The following CLVS1 variants were observed in gnomAD, a reference collection of about 807,000 sequenced individuals.
CLVS1 encodes clavesin-1.
In CLVS1, 10 loss-of-function variants were observed where a neutral mutation model predicts 33.1. The observed-to-expected ratio is 0.30, with a 90% CI of 0.19 to 0.51. The LOEUF is 0.51. Ranked by LOEUF, CLVS1 falls within the 20% of genes least tolerant of loss-of-function variation. The probability of loss-of-function intolerance (pLI) is 0.97; values close to 1 mark genes in which losing one functional copy is unlikely to be tolerated. For missense variants in CLVS1, 343 were observed against 433.4 expected (o/e 0.79, Z 1.85); for synonymous variants, 163 against 166.1 (o/e 0.98, Z 0.14).
At chr8:61,258,696 T>A (rs746616120) in intron 2 of CLVS1, among the ~76,000 whole-genome samples, 1 of 152,198 alleles carries the variant, frequency 6.6e-6, no homozygotes, top group Non-Finnish European at 1.5e-5. Context: ...CCTTTGTGAG[T>A]GAATTCAAAA....
At chr8:61,479,527 T>C (rs1313873799) in intron 5 of CLVS1, among the ~76,000 whole-genome samples, 1 of 152,202 alleles carries the variant, frequency 6.6e-6, no homozygotes, top group Non-Finnish European at 1.5e-5. Flanking sequence ...CCATTGGTTC[T>C]AACTTCCTCC....
At chr8:61,003,128 G>T in the CLVS1 span, among the ~76,000 whole-genome samples, 1 of 152,170 alleles carries the variant, frequency 6.6e-6, no homozygotes, top group Non-Finnish European at 1.5e-5. Context: ...CTTCTAGAGG[G>T]ACTTGCTCTG....
chr8:61,195,783 T>C (rs1194575928), intron 2 of CLVS1, among the ~76,000 whole-genome samples: 3 of 152,058 alleles, frequency 2.0e-5, no homozygotes, highest in Non-Finnish European at 4.4e-5. Context: ...AGTTAATGAC[T>C]GGGAAAGGTA....
rs1804502954 is a variant in CLVS1 at position 61,499,822 on chromosome 8, T to TAA, written c.*282_*283dup. ...CTCCCTCCTTTCATATTTATTGTAG[T>TAA]AAATTGAAAAAATAAAGACTAAATT... On this transcript the variant is annotated 3_prime_UTR_variant, in exon 6 of 6. Coordinates refer to ENST00000325897, the MANE Select transcript of CLVS1 (RefSeq NM_173519.3). The TAA allele has an allele frequency of 1.2e-5, 3 of 249,544 alleles. No homozygotes were observed. The highest frequency in any genetic ancestry group is 1.6e-5 in the Non-Finnish European group (2 of 127,778). The allele number at this position is 249,544 out of a possible 1,614,324, so 15.5% of individuals were successfully genotyped here. A position where few individuals can be genotyped will look rare whatever the true frequency, so the allele number is the denominator to read the frequency against.
intron 5 of CLVS1, among the ~76,000 whole-genome samples, chr8:61,472,186 A>G (rs1219008185): frequency 1.3e-5 from 2 of 152,226 alleles, no homozygotes; most frequent in East Asian, 3.8e-4. Context: ...CCACAATTCT[A>G]TAATTATGTA....
the CLVS1 span, among the ~76,000 whole-genome samples, chr8:61,035,444 A>C: frequency 3.9e-5 from 6 of 152,034 alleles, no homozygotes; most frequent in Non-Finnish European, 7.4e-5. Flanking sequence ...AGGCCGAGAG[A>C]GATTGCCAGC....
chr8:61,331,814 CTCCTCCTCT>C (rs1293896725), intron 2 of CLVS1, among the ~76,000 whole-genome samples: 6 of 149,724 alleles, frequency 4.0e-5, no homozygotes, highest in African/African-American at 7.5e-5. Flanking sequence ...TCTCCTCCTC[CTCCTCCTCT>C]TCCTCCTCCT....
chr8:61,132,814 C>A (rs1467998414), intron 2 of CLVS1, among the ~76,000 whole-genome samples: 1 of 152,174 alleles, frequency 6.6e-6, no homozygotes, highest in Non-Finnish European at 1.5e-5. Flanking sequence ...GTAAGTAAAG[C>A]AACACTACAG....
At chr8:61,052,985 T>C (rs1804411630), upstream of CLVS1, among the ~76,000 whole-genome samples, 3 of 152,168 alleles carry the variant, frequency 2.0e-5, no homozygotes, top group South Asian at 6.2e-4. Context: ...ACTCTAGATG[T>C]AAACGTGGAT....
chr8:61,225,231 T>A (rs1001581141), intron 2 of CLVS1, among the ~76,000 whole-genome samples: 11 of 152,054 alleles, frequency 7.2e-5, no homozygotes, highest in African/African-American at 2.7e-4. Flanking sequence ...GGCAGGAGAA[T>A]CACTTGAACC....
At chr8:60,998,340 C>T in the CLVS1 span, among the ~76,000 whole-genome samples, 1 of 152,182 alleles carries the variant, frequency 6.6e-6, no homozygotes, top group Non-Finnish European at 1.5e-5. Flanking sequence ...CCCCCTCAGC[C>T]TTATTCAGTG....
At chr8:61,365,514 T>A (rs372604781) in intron 2 of CLVS1, among the ~76,000 whole-genome samples, 2 of 138,596 alleles carry the variant, frequency 1.4e-5, no homozygotes, top group Non-Finnish European at 3.1e-5. Context: ...GTGACAAGAG[T>A]GAAACACCAT....
chr8:61,032,909 C>A, the CLVS1 span, among the ~76,000 whole-genome samples: 1 of 147,972 alleles, frequency 6.8e-6, no homozygotes, highest in African/African-American at 2.5e-5. Context: ...GAGTTTGAGA[C>A]CAGGAGTTTG....
intron 3 of CLVS1, among the ~76,000 whole-genome samples, chr8:61,446,626 T>C (rs1276511245): frequency 6.6e-6 from 1 of 152,146 alleles, no homozygotes; most frequent in Non-Finnish European, 1.5e-5. Context: ...CATTAATCCA[T>C]TGGTCTACAA....
the CLVS1 span, among the ~76,000 whole-genome samples, chr8:61,002,034 A>T: frequency 6.6e-6 from 1 of 152,018 alleles, no homozygotes; most frequent in South Asian, 2.1e-4. Flanking sequence ...GCTGGAGTGC[A>T]GTGGTGCAAT....
At position 61,173,525 on chromosome 8, in the gene CLVS1, A is replaced by G. The variant is rs144969797; in HGVS notation, c.-152+41665A>G. Among the ~76,000 whole-genome samples the G allele has an allele frequency of 2.9e-3, 439 of 152,240 alleles. 4 individuals carry two copies. Among genetic ancestry groups the G allele is most frequent in the Admixed American group, 7.5e-3 (115 of 15,284 alleles). ...CTTAGCACCGCTTTTGCTGTATCCC[A>G]GTGGTATTGATTGGTTCTGTCACTG... On this transcript the variant is annotated intron_variant, in intron 2 of 2. Transcript: ENST00000522621.
intron 3 of CLVS1, among the ~76,000 whole-genome samples, chr8:61,381,896 A>C (rs1813894574): frequency 6.6e-6 from 1 of 152,158 alleles, no homozygotes; most frequent in Non-Finnish European, 1.5e-5. Context: ...GCTGTGATGA[A>C]CATATGCATG....
chr8:61,032,992 GGAAAGAAAGAAAGAAA>G, the CLVS1 span, among the ~76,000 whole-genome samples: 240 of 44,804 alleles, frequency 5.4e-3, 4 homozygotes, highest in African/African-American at 0.017. Flanking sequence ...AAGGAAGGAA[GGAAAGAAAGAAAGAAA>G]GAAAGAAAGA....
chr8:61,064,165 G>A (rs2129278609), intron 1 of CLVS1, among the ~76,000 whole-genome samples: 1 of 152,170 alleles, frequency 6.6e-6, no homozygotes, highest in Middle Eastern at 3.4e-3. Flanking sequence ...TTGATTACTG[G>A]GACCAATGCT....
Sources: allele counts gnomAD v4.1 joint callset (sites outside exome capture counted in the v4.1 genomes callset), GRCh38; gene constraint gnomAD v4.1.1; transcripts MANE v1.5; gene names NCBI Gene and HGNC (gene_info 2026-07-23, HGNC 2026-07-21).